CLEC6A: variants seen among roughly 807,000 people sequenced by gnomAD.
The protein encoded by CLEC6A is C-type lectin domain containing 6A.
A neutral mutation model predicts 25.7 loss-of-function variants in CLEC6A; 22 were observed. The ratio of observed to expected loss-of-function variants is 0.85; its 90% CI spans 0.61 to 1.22. The LOEUF (loss-of-function observed/expected upper bound fraction) is 1.22. CLEC6A is among the 50% of genes most tolerant of loss of function. The probability of loss-of-function intolerance (pLI) is 0.00; values close to 1 mark genes in which losing one functional copy is unlikely to be tolerated. For missense variants in CLEC6A, 240 were observed against 236.8 expected (o/e 1.01, Z -0.09); for synonymous variants, 92 against 76.7 (o/e 1.20, Z -1.04).
intron 4 of CLEC6A, among the ~76,000 whole-genome samples, chr12:8,472,541 G>A (rs1939919804): frequency 6.6e-6 from 1 of 152,296 alleles, no homozygotes; most frequent in African/African-American, 2.4e-5. Flanking sequence ...ATTATGGCAA[G>A]TAAATGCAGC....
At chr12:8,471,498 A>G (rs1460984024) in intron 4 of CLEC6A, among the ~76,000 whole-genome samples, 7 of 152,024 alleles carry the variant, frequency 4.6e-5, no homozygotes, top group Admixed American at 1.3e-4. Context: ...TTTCTTTATC[A>G]TTCAGTCTTG....
intron 3 of CLEC6A, among the ~76,000 whole-genome samples, chr12:8,461,916 C>T (rs1267028402): frequency 6.6e-6 from 1 of 152,144 alleles, no homozygotes; most frequent in Non-Finnish European, 1.5e-5. Context: ...ATATGCCCTC[C>T]AATACAGTTT....
chr12:8,459,587 T>C lies in CLEC6A; in HGVS notation c.122-10T>C, dbSNP rs1367022552. On this transcript the variant is annotated splice_polypyrimidine_tract_variant and intron_variant, in intron 2 of 5. Coordinates refer to ENST00000382073, the MANE Select transcript of CLEC6A (RefSeq NM_001007033.2). ...ATAGATGGACACTAATCCTTCTTCTTCCTTTACAGTAACTTACCATTTTAC... is the reference window on the plus strand; with the variant it reads ...ATAGATGGACACTAATCCTTCTTCTCCCTTTACAGTAACTTACCATTTTAC... The C allele has an allele frequency of 1.3e-6, 2 of 1,537,730 alleles. No individual in the cohort carries two copies. The highest frequency in any genetic ancestry group is 1.8e-6 in the Non-Finnish European group (2 of 1,110,346).
At chr12:8,459,259 G>A (rs753511228) in intron 2 of CLEC6A, among the ~76,000 whole-genome samples, 11 of 151,872 alleles carry the variant, frequency 7.2e-5, no homozygotes, top group Non-Finnish European at 1.0e-4. Context: ...AAAATTGTGG[G>A]TACATAGTAG....
chr12:8,461,092 A>G, intron 3 of CLEC6A: 2 of 1,595,940 alleles, frequency 1.3e-6, no homozygotes, highest in Non-Finnish European at 1.7e-6. Flanking sequence ...CCACAAGCAC[A>G]GGGAGATGTG....
intron 4 of CLEC6A, among the ~76,000 whole-genome samples, chr12:8,475,305 C>T (rs765016861): frequency 6.6e-6 from 1 of 150,954 alleles, no homozygotes; most frequent in African/African-American, 2.4e-5. Flanking sequence ...TAGCAGTCAA[C>T]GTGCTCCAGA....
chr12:8,459,669 C>A lies in CLEC6A; in HGVS notation c.194C>A (p.Thr65Asn). 6.2e-7 allele frequency: 1 copy of A among 1,612,964 alleles called. No homozygotes were observed. The highest frequency in any genetic ancestry group is 8.5e-7 in the Non-Finnish European group (1 of 1,178,954). ...CTACACTCATATCATTCAAGTCTCA[C>A]CTGCTTCAGTGAAGGGACAAAGGTG... The part of the protein sequence containing the change: ...SELHSYHSSL[T>N]CFSEGTKVPA... Residue 65 changes from threonine (T) to asparagine (N), a missense_variant, in exon 3 of 6, where the codon ACC becomes AAC. By Grantham distance (65) the Thr-to-Asn change is moderately conservative. Coordinates refer to ENST00000382073, the MANE Select transcript of CLEC6A (RefSeq NM_001007033.2).
intron 3 of CLEC6A, chr12:8,460,484 A>G: frequency 3.3e-6 from 2 of 601,940 alleles, no homozygotes; most frequent in Non-Finnish European, 5.9e-6. Context: ...GGTCCCTCTC[A>G]CAGCACGTGG....
intron 3 of CLEC6A, among the ~76,000 whole-genome samples, chr12:8,461,456 G>T (rs973016847): frequency 1.3e-5 from 2 of 152,142 alleles, no homozygotes; most frequent in African/African-American, 4.8e-5. Context: ...GGACAGAGAT[G>T]GATATTAATT....
At chr12:8,471,254 T>C (rs1023381419) in intron 4 of CLEC6A, among the ~76,000 whole-genome samples, 14 of 152,128 alleles carry the variant, frequency 9.2e-5, no homozygotes, top group African/African-American at 2.9e-4. Flanking sequence ...TGTTTTTTCA[T>C]AGTATCTTTT....
intron 3 of CLEC6A, among the ~76,000 whole-genome samples, chr12:8,459,911 G>A (rs968423712): frequency 6.6e-5 from 10 of 152,016 alleles, no homozygotes; most frequent in Admixed American, 2.6e-4. Flanking sequence ...TCTTGAGCTT[G>A]GTAAATATTA....
Position 8,465,566 on chromosome 12 carries a change from G to C in CLEC6A, c.306G>C (p.Lys102Asn). ...CCAGTGAAGAGAAGGTTTGGTCTAAGAGTGAGCAGAACTGTGTTGAGATGG... is the reference window on the plus strand; with the variant it reads ...CCAGTGAAGAGAAGGTTTGGTCTAACAGTGAGCAGAACTGTGTTGAGATGG... ...FISSEEKVWS[K>N]SEQNCVEMGA... Residue 102 changes from lysine to asparagine, a missense_variant, in exon 4 of 6, where the codon AAG becomes AAC. Physicochemically the swap from Lys to Asn is moderately conservative, Grantham distance 94. Transcript: ENST00000382073. The C allele has an allele frequency of 6.2e-7, 1 of 1,614,092 alleles. No homozygotes were observed. Among genetic ancestry groups the C allele is most frequent in the Non-Finnish European group, 8.5e-7 (1 of 1,179,980 alleles).
chr12:8,461,559 C>T (rs1939753497), intron 3 of CLEC6A, among the ~76,000 whole-genome samples: 1 of 152,168 alleles, frequency 6.6e-6, no homozygotes, highest in Non-Finnish European at 1.5e-5. Context: ...TTCAATACAA[C>T]TACTTAAAGT....
rs780657638 is a variant in CLEC6A, at chr12:8,460,008, C to G, written c.223+310C>G. On this transcript the variant is annotated intron_variant, in intron 3 of 5. Transcript: ENST00000382073. ...CAGTTCTTACATTCCCCTCACCCTCCATCATAAAATAATTTCTTTGACATT... is the reference window on the plus strand; with the variant it reads ...CAGTTCTTACATTCCCCTCACCCTCGATCATAAAATAATTTCTTTGACATT... Among the ~76,000 whole-genome samples the G allele has an allele frequency of 2.0e-5, 3 of 152,300 alleles. No individual in the cohort carries two copies. The South Asian group carries it at 6.2e-4, about 32-fold the overall frequency.
rs759498438 is a variant in CLEC6A, at chr12:8,463,857, C to A, written c.224-1627C>A. Among the ~76,000 whole-genome samples the A allele has an allele frequency of 1.0e-4, 15 of 148,810 alleles. 1 individual carries two copies. The South Asian group carries it at 2.9e-3, about 29-fold the overall frequency. ...ATAAAATACTATTAACGTTAGCATA[C>A]CCTTTTGACAGATGCTTTTATTGAT... On this transcript the variant is annotated intron_variant, in intron 3 of 5. Transcript: ENST00000382073.
intron 4 of CLEC6A, among the ~76,000 whole-genome samples, chr12:8,472,187 T>C (rs1939913630): frequency 6.6e-6 from 1 of 152,182 alleles, no homozygotes; most frequent in South Asian, 2.1e-4. Context: ...GCATCTTCTC[T>C]GGATCTGTGT....
Position 8,456,128 on chromosome 12 carries a change from A to T in CLEC6A, c.17A>T (p.Gln6Leu). 2 of 1,613,950 alleles carry T rather than the reference A, an allele frequency of 1.2e-6. No homozygotes were observed. Among genetic ancestry groups the T allele is most frequent in the Non-Finnish European group, 1.7e-6 (2 of 1,179,906 alleles). The part of the protein sequence containing the change: MMQEQ[Q>L]PQSTEKRGWL... ...GCCTGCATAATGATGCAAGAGCAGC[A>T]ACCTCAAAGTACAGGTGAGTATTTC... Residue 6 changes from glutamine to leucine, a missense_variant, in exon 1 of 6, where the codon CAA (glutamine) becomes CTA (leucine). Transcript: ENST00000382073.
Position 8,476,235 on chromosome 12 carries a change from T to A in CLEC6A, c.480T>A (p.Asn160Lys). 6.3e-7 allele frequency: 1 copy of A among 1,586,476 alleles called. No individual in the cohort carries two copies. Among genetic ancestry groups the A allele is most frequent in the Middle Eastern group, 1.7e-4 (1 of 6,032 alleles). Residue 160 changes from asparagine to lysine, a missense_variant, in exon 5 of 6, where the codon AAT becomes AAA. Coordinates refer to ENST00000382073, the MANE Select transcript of CLEC6A (RefSeq NM_001007033.2). ...QWIDKTPYEK[N>K]VRFWHLGEPN... ...TTGATAAGACACCTTATGAGAAAAA[T>A]GTCAGGTGAGTGCAGTTCTGGGGCC... is the stretch of plus-strand genomic sequence containing the variant.
At chr12:8,470,368 T>C (rs4438119) in intron 4 of CLEC6A, among the ~76,000 whole-genome samples, 117,541 of 152,022 alleles carry the variant, frequency 0.77, 45,904 homozygotes, top group East Asian at 0.99. Context: ...GTGGAAAGCA[T>C]TGTGGGGATT....
Sources: allele counts gnomAD v4.1 joint callset (sites outside exome capture counted in the v4.1 genomes callset), GRCh38; gene constraint gnomAD v4.1.1; transcripts MANE v1.5; gene names NCBI Gene and HGNC (gene_info 2026-07-23, HGNC 2026-07-21).